The following MTUS2 variants were observed in gnomAD, a reference collection of about 807,000 sequenced individuals.
The protein encoded by MTUS2 is microtubule associated scaffold protein 2.
A neutral mutation model predicts 114.1 loss-of-function variants in MTUS2; 40 were observed. The observed-to-expected ratio is 0.35, with a 90% CI of 0.27 to 0.46. MTUS2 has a LOEUF of 0.46. Ranked by LOEUF, MTUS2 falls within the 20% of genes least tolerant of loss-of-function variation. The pLI is 1.00. For synonymous variants in MTUS2, 688 were observed against 672.0 expected (o/e 1.02, Z -0.37); for missense variants, 1,679 against 1,705.4 (o/e 0.98, Z 0.27).
chr13:29,501,419 G>A (rs1566241892), intron 15 of MTUS2, among the ~76,000 whole-genome samples: 2 of 152,190 alleles, frequency 1.3e-5, no homozygotes, highest in South Asian at 2.1e-4. Flanking sequence ...CAGCAAAAGT[G>A]TGCAGCAGGG....
intron 2 of MTUS2, among the ~76,000 whole-genome samples, chr13:28,901,899 G>T (rs1726442100): frequency 6.6e-6 from 1 of 152,076 alleles, no homozygotes; most frequent in Non-Finnish European, 1.5e-5. Flanking sequence ...AACCTTGATG[G>T]GATTTTGATG....
intron 8 of MTUS2, among the ~76,000 whole-genome samples, chr13:29,373,275 T>G (rs1460655858): frequency 6.6e-6 from 1 of 152,188 alleles, no homozygotes; most frequent in Non-Finnish European, 1.5e-5. Context: ...GGAAGGAAAC[T>G]TTCCCATTTG....
At chr13:28,839,615 CA>C (rs1190704290) in intron 1 of MTUS2, among the ~76,000 whole-genome samples, 162 bp from the exon 2 acceptor site, 1 of 152,166 alleles carries the variant, frequency 6.6e-6, no homozygotes, top group Non-Finnish European at 1.5e-5. Flanking sequence ...GTTGATGAAG[CA>C]ACTCCAATTA....
intron 5 of MTUS2, among the ~76,000 whole-genome samples, chr13:29,276,461 A>G (rs1160635651): frequency 6.6e-6 from 1 of 152,216 alleles, no homozygotes; most frequent in Non-Finnish European, 1.5e-5. Flanking sequence ...GCAAGAGGCT[A>G]TAGTCCTTTA....
At chr13:29,063,164 C>G (rs1452576208) in intron 4 of MTUS2, among the ~76,000 whole-genome samples, 1 of 152,154 alleles carries the variant, frequency 6.6e-6, no homozygotes, top group East Asian at 1.9e-4. Context: ...CAGTACTTTT[C>G]TACACTGCCT....
intron 5 of MTUS2, among the ~76,000 whole-genome samples, chr13:29,111,578 A>G (rs1383491888): frequency 6.6e-6 from 1 of 152,202 alleles, no homozygotes; most frequent in Admixed American, 6.5e-5. Context: ...ACTTGAGACT[A>G]TGGCAGAGTG....
chr13:29,371,098 T>C (rs1043791338), intron 8 of MTUS2, among the ~76,000 whole-genome samples: 3 of 152,226 alleles, frequency 2.0e-5, no homozygotes, highest in African/African-American at 7.2e-5. Context: ...CTCAAAAATC[T>C]GCTGAAAAGC....
intron 4 of MTUS2, among the ~76,000 whole-genome samples, chr13:29,049,890 T>C (rs1887811115): frequency 6.6e-6 from 1 of 152,178 alleles, no homozygotes. Context: ...GCTGCCAACT[T>C]CATTTGTCTG....
At chr13:29,098,497 C>A (rs147872998) in intron 4 of MTUS2, among the ~76,000 whole-genome samples, 1 of 140,894 alleles carries the variant, frequency 7.1e-6, no homozygotes, top group East Asian at 2.0e-4. Context: ...CACACAAACA[C>A]ACAGCCCATG....
chr13:28,992,414 G>A (rs1884902604), intron 2 of MTUS2, among the ~76,000 whole-genome samples: 1 of 152,198 alleles, frequency 6.6e-6, no homozygotes, highest in Non-Finnish European at 1.5e-5. Context: ...GTGAAGGAGG[G>A]AACGAGCACT....
intron 2 of MTUS2, among the ~76,000 whole-genome samples, chr13:29,015,009 C>G (rs1886007529): frequency 6.6e-6 from 1 of 152,134 alleles, no homozygotes; most frequent in African/African-American, 2.4e-5. Context: ...GTGCACTGTG[C>G]TAGGGGAAAG....
intron 2 of MTUS2, among the ~76,000 whole-genome samples, chr13:28,999,061 G>A (rs1004997703): frequency 2.0e-4 from 31 of 152,152 alleles, no homozygotes; most frequent in Non-Finnish European, 3.2e-4. Flanking sequence ...TGTACAGATA[G>A]GTTTTTGGTG....
chr13:28,948,287 C>T (rs2138162342), intron 2 of MTUS2, among the ~76,000 whole-genome samples: 1 of 152,194 alleles, frequency 6.6e-6, no homozygotes, highest in East Asian at 1.9e-4. Flanking sequence ...AATGTGTTTT[C>T]AAATGATCCT....
chr13:29,146,834 T>G (rs1022491569), intron 5 of MTUS2, among the ~76,000 whole-genome samples: 8 of 152,154 alleles, frequency 5.3e-5, no homozygotes, highest in Non-Finnish European at 7.4e-5. Flanking sequence ...GCAGGATTGT[T>G]TTAAGGATGA....
chr13:28,946,473 G>A (rs574883899), intron 2 of MTUS2, among the ~76,000 whole-genome samples: 4 of 152,278 alleles, frequency 2.6e-5, no homozygotes, highest in Admixed American at 1.3e-4. Context: ...ATAGGTGTTT[G>A]AGGGAGATGG....
chr13:29,500,792 AACACACACACACAC>A (rs3066073), intron 14 of MTUS2, among the ~76,000 whole-genome samples: 32 of 144,382 alleles, frequency 2.2e-4, no homozygotes, highest in South Asian at 1.1e-3. Context: ...TTACATCAGA[AACACACACACACAC>A]ACACACACAC....
chr13:29,354,502 G>A (rs866778416), intron 7 of MTUS2, among the ~76,000 whole-genome samples: 1 of 152,086 alleles, frequency 6.6e-6, no homozygotes, highest in Admixed American at 6.5e-5. Context: ...TAGAGAGTGG[G>A]TTATATGAAC....
chr13:29,067,077 G>C (rs1888698498), intron 4 of MTUS2, among the ~76,000 whole-genome samples: 1 of 152,196 alleles, frequency 6.6e-6, no homozygotes, highest in Non-Finnish European at 1.5e-5. Context: ...GTGGAAGATA[G>C]TTGTTTGACA....
intron 5 of MTUS2, among the ~76,000 whole-genome samples, chr13:29,141,398 G>T (rs2139002262): frequency 6.6e-6 from 1 of 152,288 alleles, no homozygotes; most frequent in South Asian, 2.1e-4. Flanking sequence ...GGCAGATAGT[G>T]AGTAGAGGAC....
Sources: allele counts gnomAD v4.1 joint callset (sites outside exome capture counted in the v4.1 genomes callset), GRCh38; gene constraint gnomAD v4.1.1; transcripts MANE v1.5; gene names NCBI Gene and HGNC (gene_info 2026-07-23, HGNC 2026-07-21).